Variants in RBM11 observed in about 807,000 individuals in gnomAD.
RBM11 encodes the protein RNA binding motif protein 11.
Under a neutral mutation model 21.4 loss-of-function variants are expected in RBM11, and 18 were observed. That is an observed-to-expected ratio of 0.84 (90% CI 0.58 to 1.25). The LOEUF (loss-of-function observed/expected upper bound fraction) is 1.25, where lower values mean the gene tolerates loss of function less well. Ranked by LOEUF, RBM11 falls within the 50% of genes most tolerant of loss-of-function variation. The pLI is 0.00. For missense variants in RBM11, 294 were observed against 331.9 expected, an observed-to-expected ratio of 0.89 and a Z score of 0.89; for synonymous variants, 120 against 116.3, an observed-to-expected ratio of 1.03 and a Z score of -0.20.
chr21:14,221,048 C>CAA, intron 2 of RBM11, 49 bp from the exon 3 acceptor site: 1 of 1,467,404 alleles, frequency 6.8e-7, no homozygotes, highest in Non-Finnish European at 9.1e-7. Flanking sequence ...TATTACAACT[C>CAA]AAAAAAAAAT....
intron 4 of RBM11, 97 bp downstream of exon 4, chr21:14,224,634 G>A: frequency 7.0e-7 from 1 of 1,437,334 alleles, no homozygotes; most frequent in South Asian, 1.5e-5. Flanking sequence ...ATCTAAACTG[G>A]GATGAAGGCA....
At position 14,219,720 on chromosome 21, in the gene RBM11, G is replaced by A. The variant is rs188323297; in HGVS notation, c.254G>A (p.Arg85Gln). 5.0e-6 allele frequency: 8 copies of A among 1,588,372 alleles called. No individual in the cohort carries two copies. Among genetic ancestry groups the A allele is most frequent in the Middle Eastern group, 1.7e-4 (1 of 5,982 alleles). Reference sequence around the variant, plus strand: ...GGAAGACCAATTAACGTGCAGTATCGATTTGGTAGGTCCTGTCACTGATTA... The same window carrying A: ...GGAAGACCAATTAACGTGCAGTATCAATTTGGTAGGTCCTGTCACTGATTA... ...LYGRPINVQY[R>Q]FGSSRSSEPA... Residue 85 changes from arginine (R) to glutamine (Q), a missense_variant, in exon 2 of 5, where the codon CGA becomes CAA. Arg to Gln is a conservative substitution (Grantham distance 43). Around this residue, in one of 2 missense-constraint regions of RBM11, gnomAD observed 181 missense variants for 164.6 expected, o/e 1.10. Coordinates refer to ENST00000400577, the MANE Select transcript of RBM11 (RefSeq NM_144770.5).
intron 1 of RBM11, among the ~76,000 whole-genome samples, chr21:14,217,907 A>C (rs565113142): frequency 6.6e-6 from 1 of 152,298 alleles, no homozygotes; most frequent in Non-Finnish European, 1.5e-5. Context: ...AGTTGTGTGG[A>C]TCCACAAGAC....
At position 14,220,947 on chromosome 21, in the gene RBM11, G is replaced by A. The variant is rs1209336482; in HGVS notation, c.260-150G>A. ...TGTAAACAATCTATAAATATGATTT[G>A]AGAGGTCAGATATGCATATATCTTC... is the stretch of plus-strand genomic sequence containing the variant. On this transcript the variant is annotated intron_variant, in intron 2 of 4. Coordinates refer to ENST00000400577, the MANE Select transcript of RBM11 (RefSeq NM_144770.5). 5 of 620,734 alleles carry A rather than the reference G, an allele frequency of 8.1e-6. No homozygotes were observed. The Admixed American group carries it at 1.4e-4, about 18-fold the overall frequency. The allele number at this position is 620,734 out of a possible 1,614,324, so 38.5% of individuals were successfully genotyped here. A position where few individuals can be genotyped will look rare whatever the true frequency, so the allele number is the denominator to read the frequency against.
At chr21:14,219,832 G>T in intron 2 of RBM11, 107 bp downstream of exon 2, 1 of 874,890 alleles carries the variant, frequency 1.1e-6, no homozygotes, top group Non-Finnish European at 1.6e-6. Context: ...ACAAAAAAAA[G>T]TACCTTCTAC....
intron 1 of RBM11, among the ~76,000 whole-genome samples, chr21:14,216,707 A>C (rs895316579): frequency 6.6e-6 from 1 of 152,236 alleles, no homozygotes; most frequent in South Asian, 2.1e-4. Context: ...AAGCCCTTTT[A>C]TGCGGACAGT....
At chr21:14,218,428 T>C (rs998788725) in intron 1 of RBM11, among the ~76,000 whole-genome samples, 12 of 152,112 alleles carry the variant, frequency 7.9e-5, no homozygotes, top group Non-Finnish European at 1.6e-4. Context: ...AGAGAAAATA[T>C]GGTGAATTCA....
At chr21:14,220,239 G>A (rs1465090470) in intron 2 of RBM11, among the ~76,000 whole-genome samples, 4 of 152,078 alleles carry the variant, frequency 2.6e-5, no homozygotes, top group East Asian at 1.9e-4. Flanking sequence ...TAGTAGTGGC[G>A]GAAAAAACTT....
Position 14,227,340 on chromosome 21 carries a change from T to A in RBM11, c.*47T>A. The A allele has an allele frequency of 6.6e-7, 1 of 1,514,124 alleles. No homozygotes were observed. The highest frequency in any genetic ancestry group is 1.3e-5 in the South Asian group (1 of 75,156). 93.8% of individuals were successfully genotyped at this position (1,514,124 alleles called of 1,614,324 possible). ...ACCTACACTGATCTTAGTTCTCTTA[T>A]GAAAAAAATAAGATGTTATCCCATC... On this transcript the variant is annotated 3_prime_UTR_variant, in exon 5 of 5. Coordinates refer to ENST00000400577, the MANE Select transcript of RBM11 (RefSeq NM_144770.5).
chr21:14,222,436 A>C (rs1021231689), intron 3 of RBM11, among the ~76,000 whole-genome samples: 3 of 152,058 alleles, frequency 2.0e-5, no homozygotes, highest in Non-Finnish European at 2.9e-5. Flanking sequence ...TTCTCAAGTA[A>C]ACTAACAATA....
intron 3 of RBM11, 76 bp from the exon 4 acceptor site, chr21:14,224,362 G>A (rs379724): frequency 0.19 from 276,179 of 1,488,836 alleles, 26,239 homozygotes; most frequent in Middle Eastern, 0.19. Flanking sequence ...GAAAGATAGT[G>A]GTTTTTCTTA....
chr21:14,218,507 C>T lies in RBM11; in HGVS notation c.97-1056C>T, dbSNP rs188538742. 8.2e-3 allele frequency among the ~76,000 whole-genome samples: 1,252 copies of T among 152,098 alleles called. 10 individuals are homozygous for T. Among genetic ancestry groups the T allele is most frequent in the Middle Eastern group, 0.02 (6 of 294 alleles). On this transcript the variant is annotated intron_variant, in intron 1 of 4. Transcript: ENST00000400577. The stretch of plus-strand genomic sequence containing the variant: ...CCAGGAGGTGTCTCCATGAAAGAGA[C>T]ATGGTGGGAAAAGTAAATTTGTTGA...
intron 3 of RBM11, among the ~76,000 whole-genome samples, chr21:14,221,628 T>G (rs1978670076): frequency 6.6e-6 from 1 of 152,182 alleles, no homozygotes; most frequent in Non-Finnish European, 1.5e-5. Context: ...TTCTCTGTGT[T>G]AATTTTCAAA....
chr21:14,219,058 G>A (rs1226753330), intron 1 of RBM11, among the ~76,000 whole-genome samples: 1 of 152,012 alleles, frequency 6.6e-6, no homozygotes, highest in Non-Finnish European at 1.5e-5. Context: ...TTTACCAGAT[G>A]GAGTTTCCAA....
rs1979220767 is a variant in RBM11 at position 14,227,610 on chromosome 21, A to G, written c.*317A>G. 3.5e-6 allele frequency: 1 copy of G among 284,874 alleles called. No homozygotes were observed. Among genetic ancestry groups the G allele is most frequent in the Non-Finnish European group, 6.6e-6 (1 of 151,996 alleles). 17.6% of individuals were successfully genotyped at this position (284,874 alleles called of 1,614,324 possible). A position where few individuals can be genotyped will look rare whatever the true frequency, so the allele number is the denominator to read the frequency against. On this transcript the variant is annotated 3_prime_UTR_variant, in exon 5 of 5. Coordinates refer to ENST00000400577, the MANE Select transcript of RBM11 (RefSeq NM_144770.5). The stretch of plus-strand genomic sequence containing the variant: ...CAAAAGTCACTTATTGAACACATTG[A>G]TAAAGCATCATGTTCCCTTTGATTA...
At chr21:14,221,435 A>G (rs1190154332) in intron 3 of RBM11, 2 of 266,520 alleles carry the variant, frequency 7.5e-6, no homozygotes, top group Admixed American at 1.1e-4. Context: ...CTGTTAAATC[A>G]TTTAAGCATA....
intron 2 of RBM11, among the ~76,000 whole-genome samples, chr21:14,220,733 T>C (rs1006887886): frequency 1.4e-4 from 22 of 152,094 alleles, no homozygotes; most frequent in African/African-American, 5.3e-4. Context: ...TTGGCTTTTG[T>C]CCATGAGGGT....
intron 1 of RBM11, among the ~76,000 whole-genome samples, chr21:14,216,589 A>G (rs1305971108): frequency 6.6e-6 from 1 of 152,122 alleles, no homozygotes; most frequent in Non-Finnish European, 1.5e-5. Context: ...GCAGAACCGA[A>G]AACAGCCTGG....
At chr21:14,222,788 C>A (rs912675289) in intron 3 of RBM11, among the ~76,000 whole-genome samples, 1 of 148,142 alleles carries the variant, frequency 6.8e-6, no homozygotes, top group Non-Finnish European at 1.5e-5. Context: ...CACTCTGTTC[C>A]CTATCTCTAA....
Sources: gnomAD v4.1 joint callset for allele counts (sites outside exome capture counted in the v4.1 genomes callset) on GRCh38, gnomAD v4.1.1 for gene constraint, gnomAD v4.1.1 regional missense constraint, MANE v1.5 for transcripts, NCBI Gene and HGNC (gene_info 2026-07-23, HGNC 2026-07-21) for gene names.